The following COMMD10 variants were observed in gnomAD, a reference collection of about 807,000 sequenced individuals.
COMMD10 encodes the protein COMM domain containing 10, also known as COMM domain-containing protein 10.
In COMMD10, 33 loss-of-function variants were observed where a neutral mutation model predicts 28.9. The ratio of observed to expected loss-of-function variants is 1.14; its 90% confidence interval spans 0.87 to 1.53. The LOEUF is 1.53. Among genes scored for constraint, COMMD10 ranks in the 40% most tolerant of loss-of-function variants. The pLI is 0.00. For missense variants in COMMD10, 310 were observed against 233.4 expected (o/e 1.33, Z -2.14); for synonymous variants, 110 against 81.7 (o/e 1.35, Z -1.87).
chr5:116,132,501 C>G (rs767699367), intron 4 of COMMD10, among the ~76,000 whole-genome samples: 5 of 152,124 alleles, frequency 3.3e-5, no homozygotes, highest in Non-Finnish European at 5.9e-5. Flanking sequence ...AAGGCCTGAT[C>G]ACAGTGGGGT....
intron 5 of COMMD10, among the ~76,000 whole-genome samples, chr5:116,221,269 C>T (rs1274155131): frequency 6.6e-6 from 1 of 152,014 alleles, no homozygotes; most frequent in Non-Finnish European, 1.5e-5. Context: ...AAATTTCCAG[C>T]CCCTTGCCCT....
chr5:116,166,110 A>G (rs749981511), intron 5 of COMMD10, among the ~76,000 whole-genome samples: 2 of 151,648 alleles, frequency 1.3e-5, no homozygotes, highest in African/African-American at 2.4e-5. Context: ...AAATATTTCT[A>G]TAGTTTTAGT....
intron 5 of COMMD10, chr5:116,217,959 G>C (rs1399465110): frequency 1.8e-5 from 14 of 788,818 alleles, no homozygotes; most frequent in Non-Finnish European, 3.0e-5. Context: ...ATAAAACTTG[G>C]TAAAAATAGT....
At chr5:116,241,594 ATTTATT>A (rs1380311345) in intron 5 of COMMD10, among the ~76,000 whole-genome samples, 2 of 147,410 alleles carry the variant, frequency 1.4e-5, no homozygotes, top group African/African-American at 2.5e-5. Flanking sequence ...TTATTTATTT[ATTTATT>A]TATTTATTTA....
intron 5 of COMMD10, among the ~76,000 whole-genome samples, chr5:116,227,733 C>T (rs1012883243): frequency 3.9e-5 from 6 of 152,000 alleles, no homozygotes; most frequent in Non-Finnish European, 7.4e-5. Context: ...ATTCACACAG[C>T]TTTTCAGTTT....
intron 5 of COMMD10, among the ~76,000 whole-genome samples, chr5:116,230,566 T>C (rs1264902306): frequency 6.6e-6 from 1 of 152,102 alleles, no homozygotes; most frequent in Admixed American, 6.6e-5. Flanking sequence ...TTTGTTGCTG[T>C]GTTTATTTCT....
At chr5:116,239,031 G>A (rs1749748111) in intron 5 of COMMD10, among the ~76,000 whole-genome samples, 1 of 152,088 alleles carries the variant, frequency 6.6e-6, no homozygotes, top group Non-Finnish European at 1.5e-5. Flanking sequence ...TTTTTAAAGT[G>A]TATGTCTTCT....
intron 5 of COMMD10, among the ~76,000 whole-genome samples, chr5:116,165,027 C>T (rs1270743484): frequency 6.6e-6 from 1 of 152,216 alleles, no homozygotes; most frequent in Admixed American, 6.5e-5. Flanking sequence ...CTGTAGCTTA[C>T]AGCTTTTCTA....
chr5:116,134,563 T>G (rs1479319697), intron 5 of COMMD10, among the ~76,000 whole-genome samples: 5 of 152,182 alleles, frequency 3.3e-5, no homozygotes, highest in African/African-American at 4.8e-5. Context: ...AATTGTGTTT[T>G]TGTGTGTGTA....
chr5:116,219,263 C>G lies in COMMD10; in HGVS notation c.511-72254C>G, dbSNP rs187351756. Among the ~76,000 whole-genome samples, 19 of 152,196 alleles carry G rather than the reference C, an allele frequency of 1.2e-4. No individual in the cohort carries two copies. In the East Asian group the frequency reaches 2.7e-3, roughly 22 times the overall value. On this transcript the variant is annotated intron_variant, in intron 5 of 6. Transcript: ENST00000274458. ...CTGTGGCATTTCGTTAATGGCAGCC[C>G]TAGCAAACCGATACATACAGTTTTC...
intron 5 of COMMD10, among the ~76,000 whole-genome samples, chr5:116,164,320 C>A (rs926414171): frequency 6.7e-6 from 1 of 149,646 alleles, no homozygotes; most frequent in East Asian, 2.1e-4. Flanking sequence ...AACTCGGTCT[C>A]AAAAAAAATA....
intron 5 of COMMD10, among the ~76,000 whole-genome samples, chr5:116,189,340 C>T (rs1429722587): frequency 1.3e-5 from 2 of 152,182 alleles, no homozygotes; most frequent in South Asian, 4.1e-4. Flanking sequence ...GCTAGAGCAG[C>T]ATCCAGTGTC....
At chr5:116,100,313 T>C (rs568950289) in intron 4 of COMMD10, among the ~76,000 whole-genome samples, 1 of 152,290 alleles carries the variant, frequency 6.6e-6, no homozygotes, top group African/African-American at 2.4e-5. Context: ...CACACTTGTT[T>C]GTTTTTGCTT....
chr5:116,100,061 A>AT, intron 4 of COMMD10, among the ~76,000 whole-genome samples: 1 of 152,266 alleles, frequency 6.6e-6, no homozygotes, highest in Middle Eastern at 3.4e-3. Context: ...CTTACACAAT[A>AT]TTTTAAATAA....
At chr5:116,237,009 G>A (rs1417232739) in intron 5 of COMMD10, among the ~76,000 whole-genome samples, 1 of 151,302 alleles carries the variant, frequency 6.6e-6, no homozygotes, top group Admixed American at 6.6e-5. Context: ...GTATTGGGGT[G>A]GGGGTATGCA....
intron 5 of COMMD10, among the ~76,000 whole-genome samples, chr5:116,145,834 A>G (rs1230230565): frequency 1.3e-5 from 2 of 151,894 alleles, no homozygotes. Context: ...CTTAAGAAGA[A>G]GGTGTCTTGC....
chr5:116,180,852 TG>T (rs1047089813), intron 5 of COMMD10, among the ~76,000 whole-genome samples: 2 of 152,118 alleles, frequency 1.3e-5, no homozygotes, highest in African/African-American at 4.8e-5. Context: ...TAGGAGAAAA[TG>T]ATGAAATGCT....
chr5:116,138,763 CT>C (rs1752109352), intron 5 of COMMD10, among the ~76,000 whole-genome samples: 1 of 151,560 alleles, frequency 6.6e-6, no homozygotes, highest in Admixed American at 6.6e-5. Context: ...GAATTTGGGG[CT>C]TCTAATACTA....
chr5:116,290,209 G>T (rs1169701452), intron 5 of COMMD10, among the ~76,000 whole-genome samples: 2 of 151,668 alleles, frequency 1.3e-5, no homozygotes, highest in Non-Finnish European at 2.9e-5. Context: ...CTGCTAGGAG[G>T]GCATATACTA....
Sources: gnomAD v4.1 joint callset for allele counts (sites outside exome capture counted in the v4.1 genomes callset) on GRCh38, gnomAD v4.1.1 for gene constraint, MANE v1.5 for transcripts, NCBI Gene and HGNC (gene_info 2026-07-23, HGNC 2026-07-21) for gene names.